SOX2: variants seen among roughly 807,000 people sequenced by gnomAD.
SOX2 encodes the protein transcription factor SOX-2.
In SOX2, 2 loss-of-function variants were observed where a neutral mutation model predicts 19.7. That is an observed-to-expected ratio of 0.10 (90% CI 0.04 to 0.32). The LOEUF (loss-of-function observed/expected upper bound fraction) is 0.32, where lower values mean the gene tolerates loss of function less well. Among genes scored for constraint, SOX2 ranks in the 10% least tolerant of loss-of-function variants. The pLI is 1.00. For synonymous variants in SOX2, 211 were observed against 196.8 expected, an observed-to-expected ratio of 1.07 and a Z score of -0.60; for missense variants, 294 against 459.9, an observed-to-expected ratio of 0.64 and a Z score of 3.30.
At position 181,713,145 on chromosome 3, in the gene SOX2, G is replaced by A; in HGVS notation, c.785G>A (p.Arg262Lys). 1 of 1,613,648 alleles carries A rather than the reference G, an allele frequency of 6.2e-7. No individual in the cohort carries two copies. Among genetic ancestry groups the A allele is most frequent in the Non-Finnish European group, 8.5e-7 (1 of 1,180,026 alleles). The change falls in exon 1 of 1, where the codon AGG (arginine) becomes AAG (lysine). Residue 262 changes from arginine to lysine, a missense_variant. This residue lies in a region of SOX2 where 223 missense variants were observed against 292.7 expected (regional missense o/e 0.76). Transcript: ENST00000325404. ...GTGGTTACCTCTTCCTCCCACTCCA[G>A]GGCGCCCTGCCAGGCCGGGGACCTC... ...PPVVTSSSHS[R>K]APCQAGDLRD... is the part of the protein sequence containing the mutation.
chr3:181,712,407 A>C lies in SOX2; in HGVS notation c.47A>C (p.Gln16Pro). 1 of 1,589,790 alleles carries C rather than the reference A, an allele frequency of 6.3e-7. No homozygotes were observed. Among genetic ancestry groups the C allele is most frequent in the East Asian group, 2.3e-5 (1 of 43,472 alleles). ...ETELKPPGPQ[Q>P]TSGGGGGNST... is the part of the protein sequence containing the mutation. Reference sequence around the variant, plus strand: ...GAGCTGAAGCCGCCGGGCCCGCAGCAAACTTCGGGGGGCGGCGGCGGCAAC... The same window carrying C: ...GAGCTGAAGCCGCCGGGCCCGCAGCCAACTTCGGGGGGCGGCGGCGGCAAC... The change falls in exon 1 of 1, where the codon CAA becomes CCA. Residue 16 changes from glutamine to proline, a missense_variant. Physicochemically the swap from Gln to Pro is moderately conservative, Grantham distance 76 (BLOSUM62 -1). Transcript: ENST00000325404. The surrounding 1 kb of genome is among the most constrained non-coding windows in gnomAD (Gnocchi z 8.5).
Position 181,712,501 on chromosome 3 carries a change from C to T in SOX2, c.141C>T (p.Ala47=). The T allele has an allele frequency of 6.2e-7, 1 of 1,614,084 alleles. No homozygotes were observed. Residue 47 remains alanine, a synonymous_variant, in exon 1 of 1, where the codon GCC becomes GCT. Coordinates refer to ENST00000325404, the MANE Select transcript of SOX2 (RefSeq NM_003106.4). This position sits in a 1 kb window ranked among gnomAD's most constrained non-coding sequence, Gnocchi z 8.5. Reference sequence around the variant, plus strand: ...ACCGCGTCAAGCGGCCCATGAATGCCTTCATGGTGTGGTCCCGCGGGCAGC... The same window carrying T: ...ACCGCGTCAAGCGGCCCATGAATGCTTTCATGGTGTGGTCCCGCGGGCAGC... ...SPDRVKRPMN[A]FMVWSRGQRR...
At position 181,712,445 on chromosome 3, in the gene SOX2, G is replaced by A. The variant is rs1470195221; in HGVS notation, c.85G>A (p.Ala29Thr). ...CGGCGGCGGCAACTCCACCGCGGCG[G>A]CGGCCGGCGGCAACCAGAAAAACAG... ...GGGGGNSTAA[A>T]AGGNQKNSPD... The change falls in exon 1 of 1, where the codon GCG becomes ACG. Residue 29 changes from alanine to threonine, a missense_variant. By Grantham distance (58) the Ala-to-Thr change is moderately conservative. Coordinates refer to ENST00000325404, the MANE Select transcript of SOX2 (RefSeq NM_003106.4). This position sits in a 1 kb window ranked among gnomAD's most constrained non-coding sequence, Gnocchi z 8.5. 4 of 1,607,926 alleles carry A rather than the reference G, an allele frequency of 2.5e-6. No homozygotes were observed. In the Admixed American group the frequency reaches 5.1e-5, roughly 20 times the overall value.
rs1010286883 is a variant in SOX2, at chr3:181,712,235, C to T, written c.-126C>T. The T allele has an allele frequency of 1.4e-5, 9 of 629,054 alleles. No individual in the cohort carries two copies. The highest frequency in any genetic ancestry group is 4.4e-5 in the Admixed American group (1 of 22,652). 39.0% of individuals were successfully genotyped at this position (629,054 alleles called of 1,614,324 possible). ...TCTTCGCCTGATTTTCCTCGCGGAGCCCTGCGCTCCCGACACCCCCGCCCG... is the reference window on the plus strand; with the variant it reads ...TCTTCGCCTGATTTTCCTCGCGGAGTCCTGCGCTCCCGACACCCCCGCCCG... On this transcript the variant is annotated 5_prime_UTR_variant, in exon 1 of 1. Coordinates refer to ENST00000325404, the MANE Select transcript of SOX2 (RefSeq NM_003106.4). This position sits in a 1 kb window ranked among gnomAD's most constrained non-coding sequence, Gnocchi z 8.5.
At position 181,712,270 on chromosome 3, in the gene SOX2, C is replaced by T; in HGVS notation, c.-91C>T. On this transcript the variant is annotated 5_prime_UTR_variant, in exon 1 of 1. Coordinates refer to ENST00000325404, the MANE Select transcript of SOX2 (RefSeq NM_003106.4). The surrounding 1 kb of genome is among the most constrained non-coding windows in gnomAD (Gnocchi z 8.5). ...CCGACACCCCCGCCCGCCTCCCCTC[C>T]TCCTCTCCCCCCGCCCGCGGGCCCC... The T allele has an allele frequency of 9.2e-7, 1 of 1,082,910 alleles. No individual in the cohort carries two copies. The highest frequency in any genetic ancestry group is 1.2e-6 in the Non-Finnish European group (1 of 844,674). 67.1% of individuals were successfully genotyped at this position (1,082,910 alleles called of 1,614,324 possible).
At position 181,713,008 on chromosome 3, in the gene SOX2, C is replaced by T. The variant is rs1020803542; in HGVS notation, c.648C>T (p.Tyr216=). The T allele has an allele frequency of 1.9e-6, 3 of 1,613,944 alleles. No homozygotes were observed. The highest frequency in any genetic ancestry group is 2.5e-6 in the Non-Finnish European group (3 of 1,180,038). ...QYNSMTSSQT[Y]MNGSPTYSMS... is the part of the protein sequence containing the mutation. ...ACTCCATGACCAGCTCGCAGACCTA[C>T]ATGAACGGCTCGCCCACCTACAGCA... Residue 216 remains tyrosine, a synonymous_variant, in exon 1 of 1, where the codon TAC becomes TAT. Transcript: ENST00000325404.
chr3:181,713,793 GTATT>G lies in SOX2; in HGVS notation c.*483_*486del. 1 of 265,698 alleles carries G rather than the reference GTATT, an allele frequency of 3.8e-6. No individual in the cohort carries two copies. The highest frequency in any genetic ancestry group is 7.8e-6 in the Non-Finnish European group (1 of 128,026). 16.5% of individuals were successfully genotyped at this position (265,698 alleles called of 1,614,324 possible). A position where few individuals can be genotyped will look rare whatever the true frequency, so the allele number is the denominator to read the frequency against. On this transcript the variant is annotated 3_prime_UTR_variant, in exon 1 of 1. Coordinates refer to ENST00000325404, the MANE Select transcript of SOX2 (RefSeq NM_003106.4). ...AATATTTGCAAGCAACTTTTGTACAGTATTTATCGAGATAAACATGGCAATCAAA... is the reference window on the plus strand; with the variant it reads ...AATATTTGCAAGCAACTTTTGTACAGTATCGAGATAAACATGGCAATCAAA...
Position 181,714,149 on chromosome 3 carries a change from C to T in SOX2, c.*835C>T. 4.1e-6 allele frequency: 1 copy of T among 242,720 alleles called. No individual in the cohort carries two copies. Among genetic ancestry groups the T allele is most frequent in the Non-Finnish European group, 8.7e-6 (1 of 114,944 alleles). 15.0% of individuals were successfully genotyped at this position (242,720 alleles called of 1,614,324 possible). On this transcript the variant is annotated 3_prime_UTR_variant, in exon 1 of 1. Coordinates refer to ENST00000325404, the MANE Select transcript of SOX2 (RefSeq NM_003106.4). ...TAGCTTTTGTTCGATCCCAACTTTCCATTTTGTTCAGATAAAAAAAACCAT... is the reference window on the plus strand; with the variant it reads ...TAGCTTTTGTTCGATCCCAACTTTCTATTTTGTTCAGATAAAAAAAACCAT...
Position 181,712,827 on chromosome 3 carries a change from G to C in SOX2, c.467G>C (p.Arg156Pro), listed in dbSNP as rs780155407. 4 of 1,604,680 alleles carry C rather than the reference G, an allele frequency of 2.5e-6. No homozygotes were observed. Among genetic ancestry groups the C allele is most frequent in the Non-Finnish European group, 3.4e-6 (4 of 1,176,372 alleles). The change falls in exon 1 of 1, where the codon CGC (arginine) becomes CCC (proline). Residue 156 changes from arginine (R) to proline (P), a missense_variant. Around this residue, in one of 3 missense-constraint regions of SOX2, gnomAD observed 223 missense variants for 292.7 expected, o/e 0.76. Transcript: ENST00000325404. This position sits in a 1 kb window ranked among gnomAD's most constrained non-coding sequence, Gnocchi z 8.5. ...GAGLGAGVNQ[R>P]MDSYAHMNGW... ...GGCCTGGGCGCGGGCGTGAACCAGC[G>C]CATGGACAGTTACGCGCACATGAAC... is the stretch of plus-strand genomic sequence containing the variant.
rs1358876345 is a variant in SOX2 at position 181,713,186 on chromosome 3, A to C, written c.826A>C (p.Met276Leu). The change falls in exon 1 of 1, where the codon ATG (methionine) becomes CTG (leucine). Residue 276 changes from methionine (M) to leucine (L), a missense_variant. By Grantham distance (15) the Met-to-Leu change is conservative (BLOSUM62 2). Transcript: ENST00000325404. ...CGGGGACCTCCGGGACATGATCAGC[A>C]TGTATCTCCCCGGCGCCGAGGTGCC... The part of the protein sequence containing the change: ...QAGDLRDMIS[M>L]YLPGAEVPEP... 1.2e-6 allele frequency: 2 copies of C among 1,612,980 alleles called. No homozygotes were observed. The highest frequency in any genetic ancestry group is 1.1e-5 in the South Asian group (1 of 91,042).
rs1163872369 is a variant in SOX2 at position 181,712,888 on chromosome 3, C to A, written c.528C>A (p.Asp176Glu). 6.2e-7 allele frequency: 1 copy of A among 1,611,954 alleles called. No individual in the cohort carries two copies. Among genetic ancestry groups the A allele is most frequent in the Non-Finnish European group, 8.5e-7 (1 of 1,179,464 alleles). Residue 176 changes from aspartate to glutamate, a missense_variant, in exon 1 of 1, where the codon GAC becomes GAA. By Grantham distance (45) the Asp-to-Glu change is conservative. Around this residue, in one of 3 missense-constraint regions of SOX2, gnomAD observed 223 missense variants for 292.7 expected, o/e 0.76. Coordinates refer to ENST00000325404, the MANE Select transcript of SOX2 (RefSeq NM_003106.4). This position sits in a 1 kb window ranked among gnomAD's most constrained non-coding sequence, Gnocchi z 8.5. Reference protein sequence around the residue: ...WSNGSYSMMQDQLGYPQHPGL... With the variant: ...WSNGSYSMMQEQLGYPQHPGL... ...ACGGCAGCTACAGCATGATGCAGGA[C>A]CAGCTGGGCTACCCGCAGCACCCGG...
chr3:181,712,837 T>C lies in SOX2; in HGVS notation c.477T>C (p.Ser159=), dbSNP rs990890043. 1 of 1,606,970 alleles carries C rather than the reference T, an allele frequency of 6.2e-7. No homozygotes were observed. The highest frequency in any genetic ancestry group is 1.3e-5 in the African/African-American group (1 of 74,724). Residue 159 remains serine, a synonymous_variant, in exon 1 of 1, where the codon AGT becomes AGC. Transcript: ENST00000325404. The surrounding 1 kb of genome is among the most constrained non-coding windows in gnomAD (Gnocchi z 8.5). ...LGAGVNQRMD[S]YAHMNGWSNG... ...CGGGCGTGAACCAGCGCATGGACAG[T>C]TACGCGCACATGAACGGCTGGAGCA...
In SOX2 at chr3:181,712,474, G is replaced by C. The variant is rs1371490593; in HGVS notation, c.114G>C (p.Pro38=). The C allele has an allele frequency of 1.2e-6, 2 of 1,613,644 alleles. No individual in the cohort carries two copies. Among genetic ancestry groups the C allele is most frequent in the Non-Finnish European group, 1.7e-6 (2 of 1,179,870 alleles). Residue 38 remains proline (P), a synonymous_variant, in exon 1 of 1, where the codon CCG becomes CCC. Coordinates refer to ENST00000325404, the MANE Select transcript of SOX2 (RefSeq NM_003106.4). The surrounding 1 kb of genome is among the most constrained non-coding windows in gnomAD (Gnocchi z 8.5). The part of the protein sequence containing the change: ...AAAGGNQKNS[P]DRVKRPMNAF... ...CCGGCGGCAACCAGAAAAACAGCCCGGACCGCGTCAAGCGGCCCATGAATG... is the reference window on the plus strand; with the variant it reads ...CCGGCGGCAACCAGAAAAACAGCCCCGACCGCGTCAAGCGGCCCATGAATG...
Position 181,714,171 on chromosome 3 carries a change from C to A in SOX2, c.*857C>A, listed in dbSNP as rs1295773622. ...TTCCATTTTGTTCAGATAAAAAAAACCATGAAATTACTGTGTTTGAAATAT... is the reference window on the plus strand; with the variant it reads ...TTCCATTTTGTTCAGATAAAAAAAAACATGAAATTACTGTGTTTGAAATAT... On this transcript the variant is annotated 3_prime_UTR_variant, in exon 1 of 1. Coordinates refer to ENST00000325404, the MANE Select transcript of SOX2 (RefSeq NM_003106.4). 2.5e-5 allele frequency: 6 copies of A among 241,762 alleles called. No individual in the cohort carries two copies. Among genetic ancestry groups the A allele is most frequent in the Non-Finnish European group, 3.5e-5 (4 of 114,424 alleles). The allele number at this position is 241,762 out of a possible 1,614,324, so 15.0% of individuals were successfully genotyped here. A position where few individuals can be genotyped will look rare whatever the true frequency, so the allele number is the denominator to read the frequency against.
In SOX2 at chr3:181,712,707, C is replaced by A. The variant is rs2108522243; in HGVS notation, c.347C>A (p.Thr116Asn). ...TATAAATACCGGCCCCGGCGGAAAA[C>A]CAAGACGCTCATGAAGAAGGATAAG... is the stretch of plus-strand genomic sequence containing the variant. ...PDYKYRPRRKTKTLMKKDKYT... is the reference protein window; with the variant it reads ...PDYKYRPRRKNKTLMKKDKYT... Residue 116 changes from threonine (T) to asparagine (N), a missense_variant, in exon 1 of 1, where the codon ACC becomes AAC. Coordinates refer to ENST00000325404, the MANE Select transcript of SOX2 (RefSeq NM_003106.4). This position sits in a 1 kb window ranked among gnomAD's most constrained non-coding sequence, Gnocchi z 8.5. 6.2e-7 allele frequency: 1 copy of A among 1,613,834 alleles called. No homozygotes were observed. The highest frequency in any genetic ancestry group is 8.5e-7 in the Non-Finnish European group (1 of 1,179,848).
chr3:181,712,580 C>T lies in SOX2; in HGVS notation c.220C>T (p.Arg74Cys), dbSNP rs2108521839. Residue 74 changes from arginine (R) to cysteine (C), a missense_variant, in exon 1 of 1, where the codon CGC (arginine) becomes TGC (cysteine). Physicochemically the swap from Arg to Cys is radical, Grantham distance 180. Around this residue, in one of 3 missense-constraint regions of SOX2, gnomAD observed 20 missense variants for 112.3 expected, o/e 0.18. Coordinates refer to ENST00000325404, the MANE Select transcript of SOX2 (RefSeq NM_003106.4). This position sits in a 1 kb window ranked among gnomAD's most constrained non-coding sequence, Gnocchi z 8.5. ...PKMHNSEISK[R>C]LGAEWKLLSE... is the part of the protein sequence containing the mutation. ...GATGCACAACTCGGAGATCAGCAAGCGCCTGGGCGCCGAGTGGAAACTTTT... is the reference window on the plus strand; with the variant it reads ...GATGCACAACTCGGAGATCAGCAAGTGCCTGGGCGCCGAGTGGAAACTTTT... 6.2e-7 allele frequency: 1 copy of T among 1,614,208 alleles called. No homozygotes were observed. The highest frequency in any genetic ancestry group is 8.5e-7 in the Non-Finnish European group (1 of 1,180,024).
In SOX2 at chr3:181,713,310, T is replaced by C; in HGVS notation, c.950T>C (p.Met317Thr). Reference sequence around the variant, plus strand: ...AACGGCACACTGCCCCTCTCACACATGTGAGGGCCGGACAGCGAACTGGAG... The same window carrying C: ...AACGGCACACTGCCCCTCTCACACACGTGAGGGCCGGACAGCGAACTGGAG... Reference protein sequence around the residue: ...AINGTLPLSHM With the variant: ...AINGTLPLSHT The change falls in exon 1 of 1, where the codon ATG becomes ACG. Residue 317 changes from methionine to threonine, a missense_variant. By Grantham distance (81) the Met-to-Thr change is moderately conservative (BLOSUM62 -1). Around this residue, in one of 3 missense-constraint regions of SOX2, gnomAD observed 223 missense variants for 292.7 expected, o/e 0.76. Coordinates refer to ENST00000325404, the MANE Select transcript of SOX2 (RefSeq NM_003106.4). The C allele has an allele frequency of 6.4e-7, 1 of 1,570,060 alleles. No homozygotes were observed. Among genetic ancestry groups the C allele is most frequent in the Non-Finnish European group, 8.6e-7 (1 of 1,157,944 alleles).
Position 181,712,198 on chromosome 3 carries a change from C to A in SOX2, c.-163C>A. 1 of 481,246 alleles carries A rather than the reference C, an allele frequency of 2.1e-6. No homozygotes were observed. The highest frequency in any genetic ancestry group is 3.3e-6 in the Non-Finnish European group (1 of 303,906). The allele number at this position is 481,246 out of a possible 1,614,324, so 29.8% of individuals were successfully genotyped here. A position where few individuals can be genotyped will look rare whatever the true frequency, so the allele number is the denominator to read the frequency against. ...TTCCAGTTTGCCTCTCTCTTTTTTT[C>A]CCCCAAATTATTCTTCGCCTGATTT... On this transcript the variant is annotated 5_prime_UTR_variant, in exon 1 of 1. Transcript: ENST00000325404. This position sits in a 1 kb window ranked among gnomAD's most constrained non-coding sequence, Gnocchi z 8.5.
Position 181,712,265 on chromosome 3 carries a change from CCCT to C in SOX2, c.-88_-86del, listed in dbSNP as rs897910773. The C allele has an allele frequency of 7.9e-6, 8 of 1,012,878 alleles. No individual in the cohort carries two copies. The highest frequency in any genetic ancestry group is 5.0e-5 in the African/African-American group (3 of 59,476). 62.7% of individuals were successfully genotyped at this position (1,012,878 alleles called of 1,614,324 possible). ...CGCTCCCGACACCCCCGCCCGCCTC[CCCT>C]CCTCCTCTCCCCCCGCCCGCGGGCC... On this transcript the variant is annotated 5_prime_UTR_variant, in exon 1 of 1. Coordinates refer to ENST00000325404, the MANE Select transcript of SOX2 (RefSeq NM_003106.4). This position sits in a 1 kb window ranked among gnomAD's most constrained non-coding sequence, Gnocchi z 8.5.
Sources: allele counts gnomAD v4.1 joint callset, GRCh38; gene constraint gnomAD v4.1.1; regional missense constraint gnomAD v4.1.1; non-coding constraint Gnocchi (gnomAD v3.1); transcripts MANE v1.5; gene names NCBI Gene and HGNC (gene_info 2026-07-23, HGNC 2026-07-21).